Variants in EPHB1 observed in about 807,000 individuals in gnomAD.
EPHB1 encodes ephrin type-B receptor 1.
In EPHB1, 30 loss-of-function variants were observed where a neutral mutation model predicts 94.4. That is an observed-to-expected ratio of 0.32 (90% CI 0.24 to 0.43). The LOEUF (loss-of-function observed/expected upper bound fraction) is 0.43, where lower values mean the gene tolerates loss of function less well. Among genes scored for constraint, EPHB1 ranks in the 20% least tolerant of loss-of-function variants. EPHB1 has a pLI of 1.00. For synonymous variants in EPHB1, 522 were observed against 489.1 expected (o/e 1.07, Z -0.89); for missense variants, 1,055 against 1,308.3 (o/e 0.81, Z 2.99).
intron 13 of EPHB1, among the ~76,000 whole-genome samples, chr3:135,242,271 G>T (rs1309317617): frequency 6.6e-6 from 1 of 152,076 alleles, no homozygotes; most frequent in Non-Finnish European, 1.5e-5. Context: ...CTTTGGGAGG[G>T]GGCAGTTTTT....
intron 3 of EPHB1, among the ~76,000 whole-genome samples, chr3:135,040,307 C>T (rs527658514): frequency 1.1e-4 from 16 of 152,198 alleles, no homozygotes; most frequent in Non-Finnish European, 2.1e-4. Flanking sequence ...AGTAAGTGTG[C>T]AATAAGCCCA....
In EPHB1 at chr3:134,951,787, T is replaced by C; in HGVS notation, c.540T>C (p.Tyr180=). ...GTTTTTACCTCGCTTTTCAGGATTATGGAGCCTGTATGTCTCTTCTTTCTG... is the reference window on the plus strand; with the variant it reads ...GTTTTTACCTCGCTTTTCAGGATTACGGAGCCTGTATGTCTCTTCTTTCTG... ...RNGFYLAFQD[Y]GACMSLLSVR... is the part of the protein sequence containing the mutation. Residue 180 remains tyrosine, a synonymous_variant, in exon 3 of 16, where the codon TAT becomes TAC. Transcript: ENST00000398015. This position sits in a 1 kb window ranked among gnomAD's most constrained non-coding sequence, Gnocchi z 4.5. 6.2e-7 allele frequency: 1 copy of C among 1,614,088 alleles called. No individual in the cohort carries two copies. The highest frequency in any genetic ancestry group is 8.5e-7 in the Non-Finnish European group (1 of 1,179,908).
chr3:134,923,771 T>C (rs2038735980), intron 1 of EPHB1, among the ~76,000 whole-genome samples: 1 of 152,226 alleles, frequency 6.6e-6, no homozygotes, highest in South Asian at 2.1e-4. Context: ...GGTTCTTCTA[T>C]TTCATAGTGG....
intron 3 of EPHB1, among the ~76,000 whole-genome samples, chr3:134,992,331 G>A (rs559397326): frequency 1.3e-4 from 20 of 152,178 alleles, no homozygotes; most frequent in Admixed American, 7.8e-4. Flanking sequence ...ATAGGCTGTG[G>A]GGCCTTGGCT....
intron 6 of EPHB1, chr3:135,154,506 T>C: frequency 2.0e-6 from 1 of 495,528 alleles, no homozygotes; most frequent in Admixed American, 3.5e-5. Flanking sequence ...TCCACCATCC[T>C]GCAATCTGGA....
chr3:134,819,461 A>G (rs2036338482), intron 1 of EPHB1, among the ~76,000 whole-genome samples: 1 of 152,182 alleles, frequency 6.6e-6, no homozygotes, highest in Non-Finnish European at 1.5e-5. Flanking sequence ...CCTTGGAAGT[A>G]GCTCCTCTAT....
At chr3:134,958,580 C>G (rs984458387) in intron 3 of EPHB1, among the ~76,000 whole-genome samples, 10 of 152,190 alleles carry the variant, frequency 6.6e-5, no homozygotes, top group Middle Eastern at 3.4e-3. Context: ...CCAGGGAGAC[C>G]GGCTGTGTTC....
chr3:134,913,752 T>C (rs1439751486), intron 1 of EPHB1, among the ~76,000 whole-genome samples: 2 of 152,206 alleles, frequency 1.3e-5, no homozygotes, highest in African/African-American at 4.8e-5. Context: ...GCAGAGTCAG[T>C]GGCTAGAGCC....
At chr3:134,985,843 G>A (rs1332956613) in intron 3 of EPHB1, among the ~76,000 whole-genome samples, 2 of 152,066 alleles carry the variant, frequency 1.3e-5, no homozygotes, top group Non-Finnish European at 2.9e-5. Flanking sequence ...TTATCTGTTG[G>A]CTTTAGATAG....
intron 1 of EPHB1, among the ~76,000 whole-genome samples, chr3:134,809,036 T>C (rs2036119559): frequency 6.6e-6 from 1 of 152,246 alleles, no homozygotes; most frequent in South Asian, 2.1e-4. Flanking sequence ...TGCATACTCA[T>C]AGGTACAATG....
chr3:135,053,730 T>C (rs2107772925), intron 3 of EPHB1, among the ~76,000 whole-genome samples: 1 of 152,300 alleles, frequency 6.6e-6, no homozygotes. Context: ...CTCACGCCTG[T>C]AATCCCTGCA....
intron 3 of EPHB1, among the ~76,000 whole-genome samples, chr3:135,013,874 A>G (rs1271345392): frequency 6.6e-6 from 1 of 152,172 alleles, no homozygotes; most frequent in African/African-American, 2.4e-5. Context: ...GGTACTTTAA[A>G]AAAGTCTGAT....
Position 135,165,952 on chromosome 3 carries a change from C to G in EPHB1, c.1586-16C>G. ...AAGGCACATGGGGAGGATTCTAATG[C>G]CTCTTTCTCACCTAGATGATTACAA... is the stretch of plus-strand genomic sequence containing the variant. On this transcript the variant is annotated splice_polypyrimidine_tract_variant and intron_variant, in intron 7 of 15. Transcript: ENST00000398015. The G allele has an allele frequency of 6.2e-7, 1 of 1,605,066 alleles. No homozygotes were observed. Among genetic ancestry groups the G allele is most frequent in the Non-Finnish European group, 8.5e-7 (1 of 1,171,918 alleles).
intron 12 of EPHB1, among the ~76,000 whole-genome samples, chr3:135,228,389 G>A (rs981422672): frequency 6.6e-6 from 1 of 151,938 alleles, no homozygotes; most frequent in Admixed American, 6.6e-5. Flanking sequence ...CGTGATGTTT[G>A]CCTGTCCTTT....
chr3:135,152,109 A>C (rs1488050109), intron 5 of EPHB1, among the ~76,000 whole-genome samples: 4 of 152,232 alleles, frequency 2.6e-5, no homozygotes, highest in African/African-American at 9.7e-5. Flanking sequence ...TCATTTGGAA[A>C]AGAGCCATCT....
In EPHB1 at chr3:135,259,131, T is replaced by A. The variant is rs749387160; in HGVS notation, c.*11T>A. ...ACGGCAATGGCATGAGAACTCTTGT[T>A]TCTTGGGGAAGGAGAGGAGGGAAAA... On this transcript the variant is annotated 3_prime_UTR_variant, in exon 16 of 16. Coordinates refer to ENST00000398015, the MANE Select transcript of EPHB1 (RefSeq NM_004441.5). 16 of 1,596,694 alleles carry A rather than the reference T, an allele frequency of 1.0e-5. No homozygotes were observed. The South Asian group carries it at 1.8e-4, about 18-fold the overall frequency.
intron 1 of EPHB1, among the ~76,000 whole-genome samples, chr3:134,878,795 TA>T (rs2037667342): frequency 1.3e-5 from 2 of 152,230 alleles, no homozygotes; most frequent in Non-Finnish European, 2.9e-5. Context: ...TTCACTTTTT[TA>T]AAACTTCAGT....
chr3:134,932,985 C>T (rs1017544176), intron 2 of EPHB1, among the ~76,000 whole-genome samples: 1 of 152,170 alleles, frequency 6.6e-6, no homozygotes, highest in African/African-American at 2.4e-5. Flanking sequence ...AAGCTATTCT[C>T]ATTCTATGCT....
chr3:135,247,611 T>G (rs1023794367), intron 13 of EPHB1, among the ~76,000 whole-genome samples: 1 of 152,250 alleles, frequency 6.6e-6, no homozygotes, highest in Non-Finnish European at 1.5e-5. Flanking sequence ...CTAAAATCTT[T>G]ACAAAATTAC....
Sources: allele counts gnomAD v4.1 joint callset (sites outside exome capture counted in the v4.1 genomes callset), GRCh38; gene constraint gnomAD v4.1.1; non-coding constraint Gnocchi (gnomAD v3.1); transcripts MANE v1.5; gene names NCBI Gene and HGNC (gene_info 2026-07-23, HGNC 2026-07-21).